CD9: variants seen among roughly 807,000 people sequenced by gnomAD.
CD9 encodes CD9 antigen.
A neutral mutation model predicts 31.4 loss-of-function variants in CD9; 10 were observed. That is an observed-to-expected ratio of 0.32 (90% CI 0.20 to 0.54). The LOEUF (loss-of-function observed/expected upper bound fraction) is 0.54, where lower values mean the gene tolerates loss of function less well. Among genes scored for constraint, CD9 ranks in the 20% least tolerant of loss-of-function variants. CD9 has a pLI of 0.94. For synonymous variants in CD9, 113 were observed against 114.1 expected (o/e 0.99, Z 0.06); for missense variants, 259 against 300.1 (o/e 0.86, Z 1.01).
chr12:6,204,199 T>G (rs1946104976), intron 1 of CD9, among the ~76,000 whole-genome samples: 1 of 152,166 alleles, frequency 6.6e-6, no homozygotes, highest in African/African-American at 2.4e-5. Flanking sequence ...AAAGGTCCTT[T>G]CAAGCTCAGT....
chr12:6,221,812 A>C (rs904888706), intron 1 of CD9, among the ~76,000 whole-genome samples: 1 of 130,758 alleles, frequency 7.6e-6, no homozygotes, highest in Non-Finnish European at 1.7e-5. Flanking sequence ...CCCTGGCTCT[A>C]CAAAAAAAAA....
At chr12:6,209,064 G>C (rs1946165088) in intron 1 of CD9, among the ~76,000 whole-genome samples, 3 of 151,540 alleles carry the variant, frequency 2.0e-5, no homozygotes, top group Non-Finnish European at 2.9e-5. Flanking sequence ...TGCCTCCCAG[G>C]TTCAAGTGAT....
In CD9 at chr12:6,233,465, G is replaced by C; in HGVS notation, c.327G>C (p.Trp109Cys). 6.2e-7 allele frequency: 1 copy of C among 1,613,944 alleles called. No homozygotes were observed. The highest frequency in any genetic ancestry group is 8.5e-7 in the Non-Finnish European group (1 of 1,179,818). The change falls in exon 4 of 8, where the codon TGG (tryptophan) becomes TGC (cysteine). Residue 109 changes from tryptophan to cysteine, a missense_variant. Physicochemically the swap from Trp to Cys is radical, Grantham distance 215 (BLOSUM62 -2). Coordinates refer to ENST00000009180, the MANE Select transcript of CD9 (RefSeq NM_001769.4). ...IFAIEIAAAIWGYSHKDEVIK... is the reference protein window; with the variant it reads ...IFAIEIAAAICGYSHKDEVIK... ...CCATTGAAATAGCTGCGGCCATCTGGGGATATTCCCACAAGGATGAGGTAG... is the reference window on the plus strand; with the variant it reads ...CCATTGAAATAGCTGCGGCCATCTGCGGATATTCCCACAAGGATGAGGTAG...
chr12:6,209,168 C>T (rs1946165940), intron 1 of CD9, among the ~76,000 whole-genome samples: 1 of 152,130 alleles, frequency 6.6e-6, no homozygotes, highest in African/African-American at 2.4e-5. Context: ...GGGATTTCAT[C>T]ATGTTGGCCA....
rs1248422760 is a variant in CD9, at chr12:6,232,835, G to GAAGGTACCCA, written c.273+111_273+120dup. 1.3e-6 allele frequency: 1 copy of GAAGGTACCCA among 798,944 alleles called. No individual in the cohort carries two copies. The highest frequency in any genetic ancestry group is 2.1e-6 in the Non-Finnish European group (1 of 473,258). 49.5% of individuals were successfully genotyped at this position (798,944 alleles called of 1,614,324 possible). A position where few individuals can be genotyped will look rare whatever the true frequency, so the allele number is the denominator to read the frequency against. ...AACAGATGGAGGGGGATGGGGTCAG[G>GAAGGTACCCA]AAGGTACCCAAAGGGCATGAGCTGT... On this transcript the variant is annotated intron_variant, in intron 3 of 7. Transcript: ENST00000009180. This position sits in a 1 kb window ranked among gnomAD's most constrained non-coding sequence, Gnocchi z 4.8.
At chr12:6,227,363 T>C (rs1026389848) in intron 2 of CD9, among the ~76,000 whole-genome samples, 78 of 152,048 alleles carry the variant, frequency 5.1e-4, no homozygotes, top group African/African-American at 1.8e-3. Flanking sequence ...CATGCCCAGC[T>C]GATTTTGTAT....
rs1946061126 is a variant in CD9 at position 6,200,400 on chromosome 12, A to G, written c.-100A>G. 1.3e-6 allele frequency: 1 copy of G among 772,106 alleles called. No homozygotes were observed. Among genetic ancestry groups the G allele is most frequent in the Admixed American group, 1.9e-5 (1 of 52,920 alleles). 47.8% of individuals were successfully genotyped at this position (772,106 alleles called of 1,614,324 possible). ...AAAGTGCAGCCGGAGACCAGCCTAC[A>G]GCCGCCTGCATCTGTATCCAGCGCC... On this transcript the variant is annotated 5_prime_UTR_variant, in exon 1 of 8. Transcript: ENST00000009180.
intron 4 of CD9, 59 bp from the exon 5 acceptor site, chr12:6,235,170 G>A: frequency 8.2e-7 from 1 of 1,219,450 alleles, no homozygotes; most frequent in Non-Finnish European, 1.2e-6. Context: ...CATAACATTT[G>A]TTCGTGGAGG....
intron 2 of CD9, among the ~76,000 whole-genome samples, chr12:6,226,755 A>T (rs1946372226): frequency 6.6e-6 from 1 of 152,238 alleles, no homozygotes; most frequent in Non-Finnish European, 1.5e-5. Context: ...AAAACTACAC[A>T]TACACACAGA....
At chr12:6,222,539 C>T (rs892555389) in intron 1 of CD9, among the ~76,000 whole-genome samples, 14 of 152,166 alleles carry the variant, frequency 9.2e-5, no homozygotes, top group Admixed American at 3.3e-4. Context: ...GGTCCGAATG[C>T]GGGGGACTCC....
In CD9 at chr12:6,204,126, C is replaced by T. The variant is rs554665533; in HGVS notation, c.66+3561C>T. Among the ~76,000 whole-genome samples, 12 of 152,290 alleles carry T rather than the reference C, an allele frequency of 7.9e-5. No homozygotes were observed. In the South Asian group the frequency reaches 2.5e-3, roughly 32 times the overall value. On this transcript the variant is annotated intron_variant, in intron 1 of 7. Coordinates refer to ENST00000009180, the MANE Select transcript of CD9 (RefSeq NM_001769.4). ...TCACTTTGAAACCTTGGGTTGGTCA[C>T]TTCTGTGCTCTAAGCCTCAGTTTCC...
upstream of CD9, chr12:6,200,324 G>C: frequency 5.2e-6 from 2 of 381,912 alleles, no homozygotes; most frequent in Non-Finnish European, 9.4e-6. Flanking sequence ...GGCTTTTCCC[G>C]GCACATGCGC....
At position 6,237,892 on chromosome 12, in the gene CD9, T is replaced by C. The variant is rs963720051; in HGVS notation, c.*64T>C. The stretch of plus-strand genomic sequence containing the variant: ...AAGATTGGTGGGATTTTTTGTTTGT[T>C]TGTTTTGTTTTGTTTGTTGTTTGTT... On this transcript the variant is annotated 3_prime_UTR_variant, in exon 8 of 8. Coordinates refer to ENST00000009180, the MANE Select transcript of CD9 (RefSeq NM_001769.4). 1 of 1,211,000 alleles carries C rather than the reference T, an allele frequency of 8.3e-7. No homozygotes were observed. Among genetic ancestry groups the C allele is most frequent in the Non-Finnish European group, 1.2e-6 (1 of 820,392 alleles). The allele number at this position is 1,211,000 out of a possible 1,614,324, so 75.0% of individuals were successfully genotyped here.
chr12:6,214,232 C>G (rs1356228157), intron 1 of CD9, among the ~76,000 whole-genome samples: 3 of 151,940 alleles, frequency 2.0e-5, no homozygotes, highest in Non-Finnish European at 4.4e-5. Flanking sequence ...TAAACCACCT[C>G]CTGTAATGTG....
At chr12:6,202,447 C>T (rs1296020143) in intron 1 of CD9, among the ~76,000 whole-genome samples, 1 of 152,230 alleles carries the variant, frequency 6.6e-6, no homozygotes, top group East Asian at 1.9e-4. Flanking sequence ...TCTCCCCTCC[C>T]AGGTACAGTC....
At chr12:6,233,612 C>T (rs1301184117) in intron 4 of CD9, 126 bp downstream of exon 4, 11 of 730,126 alleles carry the variant, frequency 1.5e-5, no homozygotes, top group Admixed American at 1.3e-4. Context: ...CTTATCTCAT[C>T]GCGTCCCTGT....
At chr12:6,212,258 G>A (rs1416950697) in intron 1 of CD9, among the ~76,000 whole-genome samples, 3 of 152,090 alleles carry the variant, frequency 2.0e-5, no homozygotes, top group East Asian at 3.9e-4. Context: ...TTTACCTCTC[G>A]GAGCCTGTTT....
In CD9 at chr12:6,232,618, C is replaced by G. The variant is rs1171925770; in HGVS notation, c.176-14C>G. The G allele has an allele frequency of 6.5e-7, 1 of 1,534,090 alleles. No individual in the cohort carries two copies. Among genetic ancestry groups the G allele is most frequent in the Non-Finnish European group, 8.8e-7 (1 of 1,131,896 alleles). Reference sequence around the variant, plus strand: ...ATGTCTCCACGCGTGTGTGCTTCCTCTGTCCTCCCGCAGGAGTCTATATTC... The same window carrying G: ...ATGTCTCCACGCGTGTGTGCTTCCTGTGTCCTCCCGCAGGAGTCTATATTC... On this transcript the variant is annotated splice_polypyrimidine_tract_variant and intron_variant, in intron 2 of 7. Coordinates refer to ENST00000009180, the MANE Select transcript of CD9 (RefSeq NM_001769.4). The surrounding 1 kb of genome is among the most constrained non-coding windows in gnomAD (Gnocchi z 4.8).
chr12:6,205,300 A>G (rs1049128895), intron 1 of CD9, among the ~76,000 whole-genome samples: 5 of 152,138 alleles, frequency 3.3e-5, no homozygotes, highest in African/African-American at 9.7e-5. Context: ...CAAAGACCCA[A>G]TCTTTTGATG....
Sources: allele counts gnomAD v4.1 joint callset (sites outside exome capture counted in the v4.1 genomes callset), GRCh38; gene constraint gnomAD v4.1.1; non-coding constraint Gnocchi (gnomAD v3.1); transcripts MANE v1.5; gene names NCBI Gene and HGNC (gene_info 2026-07-23, HGNC 2026-07-21).